Variants in ARL13B observed in about 807,000 individuals in gnomAD.
ARL13B encodes the protein ADP-ribosylation factor-like protein 13B.
Under a neutral mutation model 56.1 loss-of-function variants are expected in ARL13B, and 36 were observed. The ratio of observed to expected loss-of-function variants is 0.64; its 90% CI spans 0.49 to 0.85. The LOEUF (loss-of-function observed/expected upper bound fraction) is 0.85. Ranked by LOEUF, ARL13B falls within the 40% of genes least tolerant of loss-of-function variation. The probability of loss-of-function intolerance (pLI) is 0.00; values close to 1 mark genes in which losing one functional copy is unlikely to be tolerated. For missense variants in ARL13B, 519 were observed against 507.1 expected (o/e 1.02, Z -0.23); for synonymous variants, 178 against 171.1 (o/e 1.04, Z -0.32).
At chr3:94,014,578 TC>T (rs1285722146) in intron 3 of ARL13B, 2 of 1,611,420 alleles carry the variant, frequency 1.2e-6, no homozygotes, top group Non-Finnish European at 1.7e-6. Context: ...AATGAAAAGA[TC>T]CCTTAAATCC....
chr3:94,022,401 C>T (rs550871528), intron 3 of ARL13B, among the ~76,000 whole-genome samples: 153 of 152,288 alleles, frequency 1.0e-3, no homozygotes, highest in African/African-American at 3.5e-3. Flanking sequence ...GCTGGGATTA[C>T]AGGTGTGAGC....
At chr3:94,016,849 A>T (rs2076343739) in intron 3 of ARL13B, among the ~76,000 whole-genome samples, 1 of 151,884 alleles carries the variant, frequency 6.6e-6, no homozygotes, top group Non-Finnish European at 1.5e-5. Context: ...GTTTCACCAT[A>T]TTGGCCAGGC....
intron 3 of ARL13B, among the ~76,000 whole-genome samples, chr3:94,010,802 ATAAC>A (rs1226652861): frequency 6.6e-6 from 1 of 152,092 alleles, no homozygotes; most frequent in African/African-American, 2.4e-5. Context: ...CTGAAAGAAA[ATAAC>A]TATTTTACAA....
chr3:94,054,977 T>A lies in ARL13B; in HGVS notation c.*1714T>A, dbSNP rs1186590186. On this transcript the variant is annotated 3_prime_UTR_variant, in exon 10 of 10. Transcript: ENST00000394222. ...ACTTTTGCTATCTTTTTAATATTTA[T>A]CTCGTTTGGGAGTATACGTGTTTTT... 6.6e-6 allele frequency: 2 copies of A among 303,558 alleles called. No homozygotes were observed. The highest frequency in any genetic ancestry group is 1.3e-5 in the Non-Finnish European group (2 of 154,606). The allele number at this position is 303,558 out of a possible 1,614,324, so 18.8% of individuals were successfully genotyped here. A position where few individuals can be genotyped will look rare whatever the true frequency, so the allele number is the denominator to read the frequency against.
At chr3:94,022,172 G>T (rs2107009740) in intron 3 of ARL13B, among the ~76,000 whole-genome samples, 1 of 152,064 alleles carries the variant, frequency 6.6e-6, no homozygotes, top group East Asian at 1.9e-4. Context: ...CACCCAGGCT[G>T]GAGTGCAATG....
chr3:94,028,742 A>G (rs1234821714), intron 3 of ARL13B: 1 of 152,206 alleles, frequency 6.6e-6, no homozygotes, highest in African/African-American at 2.4e-5. Flanking sequence ...TGGATCTGCA[A>G]ATTTAGTCCT....
intron 6 of ARL13B, among the ~76,000 whole-genome samples, chr3:94,042,698 G>A (rs1009514283): frequency 1.3e-5 from 2 of 152,036 alleles, no homozygotes; most frequent in East Asian, 1.9e-4. Context: ...GTATGTGTGG[G>A]GGTTGGCAGA....
chr3:94,032,622 G>A (rs1255225474), intron 3 of ARL13B, among the ~76,000 whole-genome samples: 1 of 151,812 alleles, frequency 6.6e-6, no homozygotes, highest in Non-Finnish European at 1.5e-5. Flanking sequence ...TCAGCCTCCC[G>A]AGTAGCTGGG....
At chr3:94,022,805 A>G (rs1201257846) in intron 3 of ARL13B, among the ~76,000 whole-genome samples, 1 of 152,128 alleles carries the variant, frequency 6.6e-6, no homozygotes, top group East Asian at 1.9e-4. Context: ...CCATGTAACT[A>G]CCACATAGAT....
At chr3:94,027,262 A>G (rs1162656940) in intron 3 of ARL13B, among the ~76,000 whole-genome samples, 1 of 152,114 alleles carries the variant, frequency 6.6e-6, no homozygotes, top group Non-Finnish European at 1.5e-5. Context: ...CTCTTTGGCT[A>G]CTAAAGTGAG....
intron 3 of ARL13B, among the ~76,000 whole-genome samples, chr3:94,018,955 A>C (rs893294876): frequency 6.6e-6 from 1 of 151,820 alleles, no homozygotes; most frequent in African/African-American, 2.4e-5. Context: ...TATTAACGAC[A>C]GGGTTTCACC....
At chr3:94,027,297 T>TA (rs1172169929) in intron 3 of ARL13B, among the ~76,000 whole-genome samples, 6 of 151,368 alleles carry the variant, frequency 4.0e-5, no homozygotes, top group Admixed American at 6.6e-5. Flanking sequence ...TTCTAAAAAC[T>TA]AAAAAAAAAT....
Position 94,053,239 on chromosome 3 carries a change from T to C in ARL13B, c.1263T>C (p.Ser421=), listed in dbSNP as rs1312112681. The change falls in exon 10 of 10, where the codon AGT becomes AGC. Residue 421 remains serine, a synonymous_variant. Coordinates refer to ENST00000394222, the MANE Select transcript of ARL13B (RefSeq NM_001174150.2). ...TGGCTGTGCCACAGCGACCTAACAG[T>C]GATGCTCATGATGTGATCTCATAAA... ...PPLAVPQRPN[S]DAHDVIS 1 of 1,613,408 alleles carries C rather than the reference T, an allele frequency of 6.2e-7. No homozygotes were observed. Among genetic ancestry groups the C allele is most frequent in the Admixed American group, 1.7e-5 (1 of 59,996 alleles).
rs373067505 is a variant in ARL13B, at chr3:94,043,681, A to G, written c.1024+441A>G. Among the ~76,000 whole-genome samples the G allele has an allele frequency of 1.8e-4, 8 of 45,080 alleles. No homozygotes were observed. The East Asian group carries it at 4.2e-3, about 24-fold the overall frequency. 29.6% of individuals were successfully genotyped at this position (45,080 alleles called of 152,430 possible). On this transcript the variant is annotated intron_variant, in intron 7 of 9. Coordinates refer to ENST00000394222, the MANE Select transcript of ARL13B (RefSeq NM_001174150.2). ...CCCCTTTCTTTCTTTCTTTCTTTCT[A>G]CAGTCTCCCTCTCTTGCCGAGCCTG...
At chr3:93,980,726 A>AGTGTGTGTGTGT (rs35756044) in intron 1 of ARL13B, among the ~76,000 whole-genome samples, 8 of 147,066 alleles carry the variant, frequency 5.4e-5, no homozygotes, top group African/African-American at 9.9e-5. Context: ...TTTGTTAAAA[A>AGTGTGTGTGTGT]GTGTGTGTGT....
chr3:94,044,214 T>C (rs1173436665), intron 7 of ARL13B, among the ~76,000 whole-genome samples: 2 of 122,370 alleles, frequency 1.6e-5, no homozygotes, highest in Admixed American at 8.5e-5. Flanking sequence ...AAGTGAGGAG[T>C]GTCTCTGCCT....
At chr3:94,029,916 G>A (rs1001416433) in intron 3 of ARL13B, among the ~76,000 whole-genome samples, 1 of 152,110 alleles carries the variant, frequency 6.6e-6, no homozygotes, top group African/African-American at 2.4e-5. Context: ...GCATGCTGCA[G>A]AAGAATATAT....
rs2076773481 is a variant in ARL13B, at chr3:94,036,652, C to A, written c.587C>A (p.Ala196Asp). 1 of 1,613,908 alleles carries A rather than the reference C, an allele frequency of 6.2e-7. No homozygotes were observed. Among genetic ancestry groups the A allele is most frequent in the Non-Finnish European group, 8.5e-7 (1 of 1,180,004 alleles). ...CATGTTATTGCAAGAGACTTTGATG[C>A]CTTAAATGAACGCATCCAAAAAGAG... The part of the protein sequence containing the change: ...LLHVIARDFD[A>D]LNERIQKETT... The change falls in exon 5 of 10, where the codon GCC becomes GAC. Residue 196 changes from alanine to aspartate, a missense_variant. Transcript: ENST00000394222.
At chr3:94,044,533 G>A (rs918688242) in intron 7 of ARL13B, among the ~76,000 whole-genome samples, 2 of 140,816 alleles carry the variant, frequency 1.4e-5, no homozygotes, top group Admixed American at 7.0e-5. Context: ...CTGCCTGGCC[G>A]CTCCATCTGG....
Sources: allele counts gnomAD v4.1 joint callset (sites outside exome capture counted in the v4.1 genomes callset), GRCh38; gene constraint gnomAD v4.1.1; transcripts MANE v1.5; gene names NCBI Gene and HGNC (gene_info 2026-07-23, HGNC 2026-07-21).